The following C3orf49 variants were observed in gnomAD, a reference collection of about 807,000 sequenced individuals.
C3orf49 encodes the protein putative uncharacterized protein C3orf49.
A neutral mutation model predicts 13.3 loss-of-function variants in C3orf49; 27 were observed. The ratio of observed to expected loss-of-function variants is 2.02; its 90% CI spans 1.49 to 2.79. The LOEUF (loss-of-function observed/expected upper bound fraction) is 2.79, where lower values mean the gene tolerates loss of function less well. C3orf49 is among the 30% of genes most tolerant of loss of function. The pLI, the probability that C3orf49 is intolerant of heterozygous loss-of-function variation, is 0.00. For missense variants in C3orf49, 242 were observed against 134.2 expected, an observed-to-expected ratio of 1.80 and a Z score of -3.97; for synonymous variants, 87 against 47.6, an observed-to-expected ratio of 1.83 and a Z score of -3.40.
chr3:63,809,699 C>T, the C3orf49 span, among the ~76,000 whole-genome samples: 3 of 152,222 alleles, frequency 2.0e-5, no homozygotes, highest in Non-Finnish European at 2.9e-5. Flanking sequence ...CTGTTCTTTG[C>T]ACACATCAAG....
the C3orf49 span, among the ~76,000 whole-genome samples, chr3:63,780,733 T>C: frequency 3.3e-4 from 50 of 152,246 alleles, no homozygotes; most frequent in Non-Finnish European, 1.0e-4. Context: ...ATTTCTCTGG[T>C]GGCCAGTGAT....
chr3:63,836,646 T>C (rs1431560379), intron 5 of C3orf49, among the ~76,000 whole-genome samples: 3 of 152,010 alleles, frequency 2.0e-5, no homozygotes, highest in African/African-American at 4.8e-5. Flanking sequence ...TAAGTTATTA[T>C]TGATTATCAA....
At chr3:63,788,940 AT>A in the C3orf49 span, among the ~76,000 whole-genome samples, 2 of 151,368 alleles carry the variant, frequency 1.3e-5, no homozygotes, top group East Asian at 1.9e-4. Context: ...ATCTGGGCTG[AT>A]TTTTTTTTCC....
At chr3:63,833,888 TATTAA>T (rs1296449917) in intron 5 of C3orf49, 11 of 418,410 alleles carry the variant, frequency 2.6e-5, no homozygotes, top group African/African-American at 2.1e-4. Flanking sequence ...AAAAGCATTT[TATTAA>T]GCATTTTTGG....
At chr3:63,790,445 C>G in the C3orf49 span, among the ~76,000 whole-genome samples, 897 of 152,240 alleles carry the variant, frequency 5.9e-3, 7 homozygotes, top group Non-Finnish European at 8.5e-3. Context: ...AATAGAACCA[C>G]CTGGAGAGCT....
the C3orf49 span, among the ~76,000 whole-genome samples, chr3:63,794,817 G>C: frequency 6.6e-6 from 1 of 152,096 alleles, no homozygotes; most frequent in Non-Finnish European, 1.5e-5. Flanking sequence ...CAGGAAAATA[G>C]GGTCTGGAGG....
At chr3:63,791,005 G>C in the C3orf49 span, among the ~76,000 whole-genome samples, 73 of 152,214 alleles carry the variant, frequency 4.8e-4, no homozygotes, top group African/African-American at 1.7e-3. Context: ...AAAAGAGATG[G>C]GGCTTTCATA....
At chr3:63,780,420 C>T in the C3orf49 span, among the ~76,000 whole-genome samples, 2 of 152,178 alleles carry the variant, frequency 1.3e-5, no homozygotes, top group East Asian at 3.8e-4. Context: ...CAAGTCTTTG[C>T]TATTGTGAAT....
chr3:63,840,517 G>A lies in C3orf49; in HGVS notation c.850-4506G>A, dbSNP rs538222551. Among the ~76,000 whole-genome samples, 17 of 152,188 alleles carry A rather than the reference G, an allele frequency of 1.1e-4. No individual in the cohort carries two copies. The South Asian group carries it at 3.3e-3, about 30-fold the overall frequency. ...GAGGTAGGAGGATCACTTGAGCCTC[G>A]GAGATCAAGGCTGCATTGAGCCATG... is the stretch of plus-strand genomic sequence containing the variant. On this transcript the variant is annotated intron_variant, in intron 5 of 6. Transcript: ENST00000295896.
intron 5 of C3orf49, chr3:63,836,211 T>C: frequency 1.6e-6 from 2 of 1,255,438 alleles, no homozygotes; most frequent in Non-Finnish European, 2.2e-6. Flanking sequence ...TTGAAACATA[T>C]TTATTTCTGC....
intron 5 of C3orf49, chr3:63,832,148 C>G: frequency 1.2e-5 from 3 of 246,414 alleles, no homozygotes; most frequent in Middle Eastern, 1.3e-3. Flanking sequence ...GAGCCGAGAT[C>G]GCACCACTGC....
chr3:63,791,415 T>C, the C3orf49 span, among the ~76,000 whole-genome samples: 2 of 152,308 alleles, frequency 1.3e-5, no homozygotes, highest in South Asian at 4.1e-4. Flanking sequence ...CTGAATTGAT[T>C]GGTAAAGGCT....
the C3orf49 span, among the ~76,000 whole-genome samples, chr3:63,790,536 T>C: frequency 1.3e-5 from 2 of 151,664 alleles, no homozygotes; most frequent in Non-Finnish European, 2.9e-5. Flanking sequence ...CGAATATTTA[T>C]TAAATGGTGT....
At chr3:63,784,968 A>C in the C3orf49 span, 1 of 151,866 alleles carries the variant, frequency 6.6e-6, no homozygotes, top group Non-Finnish European at 1.5e-5. Context: ...TTAATGCTGC[A>C]GATCTCGTCT....
intron 5 of C3orf49, among the ~76,000 whole-genome samples, chr3:63,834,579 G>C (rs529955455): frequency 3.3e-5 from 5 of 151,850 alleles, no homozygotes; most frequent in African/African-American, 9.7e-5. Context: ...AGAATCACTT[G>C]AGCCTGCAAG....
intron 1 of C3orf49, 147 bp from the exon 2 acceptor site, chr3:63,823,103 C>G (rs1701419494): frequency 1.7e-6 from 1 of 574,690 alleles, no homozygotes; most frequent in Non-Finnish European, 3.1e-6. Flanking sequence ...CTTTATTTTT[C>G]TGTGATTTGA....
chr3:63,836,556 CAG>C (rs1188300075), intron 5 of C3orf49, among the ~76,000 whole-genome samples: 6 of 151,884 alleles, frequency 4.0e-5, no homozygotes, highest in African/African-American at 7.2e-5. Context: ...GTGTTCCAAA[CAG>C]GGGTTTTAGC....
the C3orf49 span, among the ~76,000 whole-genome samples, chr3:63,792,594 A>G: frequency 1.3e-5 from 2 of 152,212 alleles, no homozygotes; most frequent in Admixed American, 1.3e-4. Context: ...CCAGAAATTA[A>G]TCTCTCAAGT....
chr3:63,797,753 T>C, the C3orf49 span, among the ~76,000 whole-genome samples: 1 of 152,196 alleles, frequency 6.6e-6, no homozygotes, highest in Non-Finnish European at 1.5e-5. Flanking sequence ...GTTCAGCCTT[T>C]CTTTGTTGTG....
Sources: gnomAD v4.1 joint callset for allele counts (sites outside exome capture counted in the v4.1 genomes callset) on GRCh38, gnomAD v4.1.1 for gene constraint, MANE v1.5 for transcripts, NCBI Gene and HGNC (gene_info 2026-07-23, HGNC 2026-07-21) for gene names.